MAD1L1: variants seen among roughly 807,000 people sequenced by gnomAD.
MAD1L1 encodes the protein mitotic spindle assembly checkpoint protein MAD1.
In MAD1L1, 95 loss-of-function variants were observed where a neutral mutation model predicts 96.9. That is an observed-to-expected ratio of 0.98 (90% CI 0.83 to 1.16). The LOEUF (loss-of-function observed/expected upper bound fraction) is 1.16, where lower values mean the gene tolerates loss of function less well. Among genes scored for constraint, MAD1L1 ranks in the 50% most tolerant of loss-of-function variants. The pLI, the probability that MAD1L1 is intolerant of heterozygous loss-of-function variation, is 0.00. For missense variants in MAD1L1, 1,007 were observed against 954.4 expected, an observed-to-expected ratio of 1.06 and a Z score of -0.73; for synonymous variants, 473 against 396.6, an observed-to-expected ratio of 1.19 and a Z score of -2.29.
At chr7:1,927,577 T>C (rs950938903) in intron 17 of MAD1L1, among the ~76,000 whole-genome samples, 1 of 152,142 alleles carries the variant, frequency 6.6e-6, no homozygotes, top group African/African-American at 2.4e-5. Flanking sequence ...GCAAACATAA[T>C]TCAATGGTGG....
intron 11 of MAD1L1, among the ~76,000 whole-genome samples, chr7:2,129,029 G>C (rs1788377051): frequency 6.6e-6 from 1 of 152,248 alleles, no homozygotes; most frequent in Non-Finnish European, 1.5e-5. Context: ...ACTGGGCAGA[G>C]TGGAGGTGGT....
chr7:2,031,195 A>G (rs1783210658), intron 12 of MAD1L1, among the ~76,000 whole-genome samples: 1 of 151,576 alleles, frequency 6.6e-6, no homozygotes, highest in Non-Finnish European at 1.5e-5. Flanking sequence ...CTCTCCCACT[A>G]CTCACCCCTC....
At chr7:2,031,965 A>G (rs1171740083) in intron 12 of MAD1L1, among the ~76,000 whole-genome samples, 1 of 152,214 alleles carries the variant, frequency 6.6e-6, no homozygotes, top group Non-Finnish European at 1.5e-5. Flanking sequence ...TCAGCAAAAC[A>G]GGGAATTAGA....
intron 18 of MAD1L1, among the ~76,000 whole-genome samples, chr7:1,873,286 C>T (rs1402574118): frequency 2.0e-5 from 3 of 152,218 alleles, no homozygotes; most frequent in African/African-American, 4.8e-5. Flanking sequence ...GGCGCGAGTC[C>T]GGGTCCTGTC....
intron 16 of MAD1L1, chr7:1,940,332 A>G (rs1778890986): frequency 6.6e-6 from 1 of 152,256 alleles, no homozygotes. Context: ...ACCTCAGAGG[A>G]TGAAGAGACA....
At chr7:2,213,373 A>C in intron 9 of MAD1L1, 100 bp from the exon 10 acceptor site, 1 of 1,103,984 alleles carries the variant, frequency 9.1e-7, no homozygotes, top group Non-Finnish European at 1.4e-6. Flanking sequence ...CTGACCTCTC[A>C]GGAGAGCCTG....
At chr7:2,017,288 C>T (rs931356131) in intron 12 of MAD1L1, among the ~76,000 whole-genome samples, 15 of 152,220 alleles carry the variant, frequency 9.9e-5, no homozygotes, top group African/African-American at 2.4e-4. Flanking sequence ...CTGACGGGGG[C>T]GTCCCAGACT....
At chr7:2,060,454 A>G (rs1018922191) in intron 12 of MAD1L1, among the ~76,000 whole-genome samples, 1 of 152,170 alleles carries the variant, frequency 6.6e-6, no homozygotes, top group African/African-American at 2.4e-5. Context: ...GCCGATGCCG[A>G]GATAACGCTG....
intron 16 of MAD1L1, among the ~76,000 whole-genome samples, chr7:1,945,363 G>A (rs1383123670): frequency 1.3e-5 from 2 of 152,250 alleles, no homozygotes; most frequent in Non-Finnish European, 2.9e-5. Context: ...AATGCATGAT[G>A]ATGATGAACA....
chr7:2,230,979 T>G (rs982709629), intron 1 of MAD1L1, among the ~76,000 whole-genome samples: 7 of 152,314 alleles, frequency 4.6e-5, no homozygotes, highest in African/African-American at 1.7e-4. Flanking sequence ...ATCCAGTCAG[T>G]TGATGCCTGA....
At chr7:2,169,309 G>A (rs1296196283) in intron 10 of MAD1L1, among the ~76,000 whole-genome samples, 1 of 152,164 alleles carries the variant, frequency 6.6e-6, no homozygotes, top group Non-Finnish European at 1.5e-5. Context: ...ACGGGGGATT[G>A]GCAGTCTTCT....
intron 11 of MAD1L1, among the ~76,000 whole-genome samples, chr7:2,080,549 TC>T (rs1275256412): frequency 2.5e-5 from 1 of 39,346 alleles, no homozygotes; most frequent in Admixed American, 2.9e-4. Flanking sequence ...GCAGAGCGCC[TC>T]CCCCACGATC....
At chr7:2,112,356 G>GT (rs1292290093) in intron 11 of MAD1L1, among the ~76,000 whole-genome samples, 1 of 152,136 alleles carries the variant, frequency 6.6e-6, no homozygotes, top group African/African-American at 2.4e-5. Flanking sequence ...GCTCTAAGCG[G>GT]TAAACCTAAG....
rs190010177 is a variant in MAD1L1, at chr7:2,028,513, C to T, written c.1219-13871G>A. Among the ~76,000 whole-genome samples the T allele has an allele frequency of 1.6e-3, 240 of 151,766 alleles. 1 individual carries two copies. Among genetic ancestry groups the T allele is most frequent in the African/African-American group, 5.5e-3 (229 of 41,362 alleles). On this transcript the variant is annotated intron_variant, in intron 12 of 18. Coordinates refer to ENST00000265854, the MANE Select transcript of MAD1L1 (RefSeq NM_001013836.2). ...AGAAGATTCAATATTGTGCAGATGTCATTTAATCAATGCATTCTCAATAAA... is the reference window on the plus strand; with the variant it reads ...AGAAGATTCAATATTGTGCAGATGTTATTTAATCAATGCATTCTCAATAAA...
At chr7:1,939,050 A>G (rs1226240483) in intron 16 of MAD1L1, among the ~76,000 whole-genome samples, 11 of 134,492 alleles carry the variant, frequency 8.2e-5, no homozygotes, top group African/African-American at 2.3e-4. Flanking sequence ...CCAGAGGCAC[A>G]CACACACACA....
At chr7:1,878,172 A>G (rs1450573595) in intron 18 of MAD1L1, among the ~76,000 whole-genome samples, 1 of 152,202 alleles carries the variant, frequency 6.6e-6, no homozygotes, top group Non-Finnish European at 1.5e-5. Context: ...AATTAAATGC[A>G]TAATTTAAAA....
chr7:1,851,525 C>T (rs188426120), intron 18 of MAD1L1, among the ~76,000 whole-genome samples: 2 of 152,252 alleles, frequency 1.3e-5, no homozygotes, highest in African/African-American at 2.4e-5. Context: ...GGAATCTGCT[C>T]GGGGCCCCGG....
At chr7:1,827,981 G>T (rs867577603) in intron 18 of MAD1L1, among the ~76,000 whole-genome samples, 2 of 152,140 alleles carry the variant, frequency 1.3e-5, no homozygotes, top group Non-Finnish European at 2.9e-5. Context: ...TGTGATGCTG[G>T]GGATGCGGGG....
chr7:2,191,934 G>A (rs1173635474), intron 10 of MAD1L1, among the ~76,000 whole-genome samples: 1 of 151,858 alleles, frequency 6.6e-6, no homozygotes, highest in Non-Finnish European at 1.5e-5. Context: ...GGGAGGCTGA[G>A]GCGGAAGAAT....
Sources: allele counts gnomAD v4.1 joint callset (sites outside exome capture counted in the v4.1 genomes callset), GRCh38; gene constraint gnomAD v4.1.1; transcripts MANE v1.5; gene names NCBI Gene and HGNC (gene_info 2026-07-23, HGNC 2026-07-21).